DCDC1: variants seen among roughly 807,000 people sequenced by gnomAD.
DCDC1 encodes doublecortin domain containing 1, also known as doublecortin domain-containing protein 1.
A neutral mutation model predicts 178.3 loss-of-function variants in DCDC1; 200 were observed. That is an observed-to-expected ratio of 1.12 (90% CI 1.00 to 1.26). The LOEUF is 1.26. DCDC1 is among the 50% of genes most tolerant of loss of function. The probability of loss-of-function intolerance (pLI) is 0.00; values close to 1 mark genes in which losing one functional copy is unlikely to be tolerated. For synonymous variants in DCDC1, 690 were observed against 604.8 expected, an observed-to-expected ratio of 1.14 and a Z score of -2.07; for missense variants, 1,983 against 1,749.2, an observed-to-expected ratio of 1.13 and a Z score of -2.38.
chr11:31,238,560 C>G (rs1976723472), intron 9 of DCDC1, among the ~76,000 whole-genome samples: 1 of 152,004 alleles, frequency 6.6e-6, no homozygotes, highest in African/African-American at 2.4e-5. Context: ...CAGTGTTTGT[C>G]CCCAAACACT....
intron 20 of DCDC1, among the ~76,000 whole-genome samples, chr11:30,988,293 C>T (rs532786482): frequency 6.6e-6 from 1 of 152,050 alleles, no homozygotes; most frequent in South Asian, 2.1e-4. Flanking sequence ...AATGGACAAA[C>T]TCAAGATGTA....
At chr11:30,969,220 G>A (rs142724579) in intron 20 of DCDC1, among the ~76,000 whole-genome samples, 305 of 152,224 alleles carry the variant, frequency 2.0e-3, no homozygotes, top group Middle Eastern at 0.01. Flanking sequence ...TTAAGTTCAG[G>A]ATTTTGAAAT....
At chr11:31,137,132 G>C (rs916325828) in intron 10 of DCDC1, among the ~76,000 whole-genome samples, 5 of 152,060 alleles carry the variant, frequency 3.3e-5, no homozygotes, top group Non-Finnish European at 4.4e-5. Context: ...TACTAATTTA[G>C]AAAACTTATG....
At chr11:31,260,288 T>C (rs2616808) in intron 8 of DCDC1, among the ~76,000 whole-genome samples, 14,140 of 152,274 alleles carry the variant, frequency 0.093, 1,811 homozygotes, top group African/African-American at 0.29. Flanking sequence ...GTGTGGACTT[T>C]AAAATTTTGG....
intron 21 of DCDC1, among the ~76,000 whole-genome samples, chr11:30,935,882 T>C (rs1003215039): frequency 6.6e-5 from 10 of 152,082 alleles, no homozygotes; most frequent in Non-Finnish European, 1.3e-4. Context: ...TTTCTCAGAG[T>C]TAACTTTAAG....
chr11:31,270,351 T>G (rs892746682), intron 7 of DCDC1, among the ~76,000 whole-genome samples: 1 of 152,256 alleles, frequency 6.6e-6, no homozygotes, highest in African/African-American at 2.4e-5. Context: ...GCTGCTTTCA[T>G]GCTATAACAG....
intron 2 of DCDC1, among the ~76,000 whole-genome samples, chr11:31,330,475 G>A (rs1303416579): frequency 6.6e-6 from 1 of 152,140 alleles, no homozygotes; most frequent in African/African-American, 2.4e-5. Context: ...CCTTGCCCAT[G>A]CCTATGTCCT....
chr11:31,143,353 G>A (rs923699570), intron 9 of DCDC1, among the ~76,000 whole-genome samples: 16 of 152,036 alleles, frequency 1.1e-4, no homozygotes, highest in Admixed American at 9.2e-4. Context: ...AGTAAAATGA[G>A]TGAAGTGGCT....
At chr11:31,050,586 C>A (rs1297154526) in intron 20 of DCDC1, among the ~76,000 whole-genome samples, 1 of 152,156 alleles carries the variant, frequency 6.6e-6, no homozygotes, top group Non-Finnish European at 1.5e-5. Context: ...AGCTAAGAAC[C>A]CTCATGGAGT....
chr11:31,013,567 CT>C (rs1283624993), intron 20 of DCDC1, among the ~76,000 whole-genome samples: 1 of 152,092 alleles, frequency 6.6e-6, no homozygotes, highest in African/African-American at 2.4e-5. Context: ...GCTTAGTGAT[CT>C]TTTTGCTCTT....
At chr11:31,108,944 G>T (rs1959026435) in intron 12 of DCDC1, among the ~76,000 whole-genome samples, 1 of 152,098 alleles carries the variant, frequency 6.6e-6, no homozygotes, top group African/African-American at 2.4e-5. Context: ...TGAAACACGT[G>T]TCCACACAAG....
At position 30,963,992 on chromosome 11, in the gene DCDC1, A is replaced by G. The variant is rs111252814; in HGVS notation, c.2592-11424T>C. Among the ~76,000 whole-genome samples the G allele has an allele frequency of 4.1e-3, 630 of 151,850 alleles. 7 individuals are homozygous for G. The highest frequency in any genetic ancestry group is 0.014 in the African/African-American group (599 of 41,378). ...AATTCTTGTCCTGTTTTTCCTTCTG[A>G]TTTTCATCCACTTCTCCAAGTTCTT... On this transcript the variant is annotated intron_variant, in intron 20 of 38. Coordinates refer to ENST00000684477, the MANE Select transcript of DCDC1 (RefSeq NM_001387274.1).
rs762345451 is a variant in DCDC1, at chr11:31,103,787, C to CA, written c.1752-19dup. The CA allele has an allele frequency of 9.2e-6, 7 of 757,624 alleles. No homozygotes were observed. The highest frequency in any genetic ancestry group is 1.7e-5 in the Non-Finnish European group (7 of 415,430). 46.9% of individuals were successfully genotyped at this position (757,624 alleles called of 1,614,324 possible). On this transcript the variant is annotated intron_variant, in intron 13 of 38. Coordinates refer to ENST00000684477, the MANE Select transcript of DCDC1 (RefSeq NM_001387274.1). The stretch of plus-strand genomic sequence containing the variant: ...GTGGAGATCTGAAAAACGGATAAAA[C>CA]ATCAAAACTATCTTCAAAATTAGAC...
At chr11:31,355,618 A>T (rs1052465283) in intron 1 of DCDC1, among the ~76,000 whole-genome samples, 2 of 151,904 alleles carry the variant, frequency 1.3e-5, no homozygotes, top group South Asian at 4.2e-4. Flanking sequence ...CCTAGGCTGG[A>T]GTGCAGTGGC....
At chr11:30,917,241 A>G (rs1053787870) in intron 25 of DCDC1, among the ~76,000 whole-genome samples, 3 of 152,214 alleles carry the variant, frequency 2.0e-5, no homozygotes, top group African/African-American at 7.2e-5. Flanking sequence ...CCTCAATCAC[A>G]TAATAAACAG....
At chr11:31,264,883 T>G (rs1056397679) in intron 8 of DCDC1, among the ~76,000 whole-genome samples, 7 of 152,290 alleles carry the variant, frequency 4.6e-5, no homozygotes, top group Non-Finnish European at 1.0e-4. Context: ...AACCCTTCCC[T>G]CTGAACTCTG....
chr11:31,341,877 G>A (rs1010048272), intron 1 of DCDC1, among the ~76,000 whole-genome samples: 1 of 149,778 alleles, frequency 6.7e-6, no homozygotes, highest in African/African-American at 2.5e-5. Flanking sequence ...GTAGAACCCT[G>A]ACTAATATAC....
chr11:31,001,386 C>G (rs1300595012), intron 20 of DCDC1, among the ~76,000 whole-genome samples: 2 of 152,044 alleles, frequency 1.3e-5, no homozygotes, highest in African/African-American at 4.8e-5. Flanking sequence ...TCCATTTGAA[C>G]AGAAACACTA....
rs148779076 is a variant in DCDC1 at position 30,903,437 on chromosome 11, T to C, written c.4510+45A>G. On this transcript the variant is annotated intron_variant, in intron 32 of 38. Transcript: ENST00000684477. ...ATAATCATGTTTAACGTTTTCATGA[T>C]CAAGCATAAGTAGAATCAGCTAAAT... 1,390 of 1,449,942 alleles carry C rather than the reference T, an allele frequency of 9.6e-4. 20 individuals carry two copies. In the African/African-American group the frequency reaches 0.018, roughly 18 times the overall value. The allele number at this position is 1,449,942 out of a possible 1,614,324, so 89.8% of individuals were successfully genotyped here. A position where few individuals can be genotyped will look rare whatever the true frequency, so the allele number is the denominator to read the frequency against.
Sources: gnomAD v4.1 joint callset for allele counts (sites outside exome capture counted in the v4.1 genomes callset) on GRCh38, gnomAD v4.1.1 for gene constraint, MANE v1.5 for transcripts, NCBI Gene and HGNC (gene_info 2026-07-23, HGNC 2026-07-21) for gene names.